The following CCDC30 variants were observed in gnomAD, a reference collection of about 807,000 sequenced individuals.
CCDC30 encodes the protein coiled-coil domain-containing protein 30.
CCDC30 carries 70 observed loss-of-function variants against 100.2 expected under a neutral mutation model. The ratio of observed to expected loss-of-function variants is 0.70; its 90% CI spans 0.58 to 0.85. The LOEUF (loss-of-function observed/expected upper bound fraction) is 0.85, where lower values mean the gene tolerates loss of function less well. CCDC30 is among the 40% of genes least tolerant of loss of function. The probability of loss-of-function intolerance (pLI) is 0.00; values close to 1 mark genes in which losing one functional copy is unlikely to be tolerated. For missense variants in CCDC30, 652 were observed against 771.2 expected (o/e 0.85, Z 1.83); for synonymous variants, 233 against 269.5 (o/e 0.86, Z 1.33).
intron 7 of CCDC30, among the ~76,000 whole-genome samples, chr1:42,570,134 AAAAT>A (rs1191922462): frequency 1.3e-5 from 2 of 152,182 alleles, no homozygotes; most frequent in Admixed American, 6.5e-5. Context: ...ATTTAAAACT[AAAAT>A]AAATTAATTA....
intron 6 of CCDC30, among the ~76,000 whole-genome samples, chr1:42,564,842 C>T (rs915213954): frequency 6.6e-6 from 1 of 152,092 alleles, no homozygotes; most frequent in African/African-American, 2.4e-5. Context: ...CTCCCCTCCC[C>T]AGCCTCTCAA....
rs569897466 is a variant in CCDC30, at chr1:42,532,138, C to CA, written c.456+33229dup. Among the ~76,000 whole-genome samples the CA allele has an allele frequency of 1.4e-4, 22 of 151,942 alleles. No individual in the cohort carries two copies. In the South Asian group the frequency reaches 3.1e-3, roughly 22 times the overall value. On this transcript the variant is annotated intron_variant, in intron 6 of 16. Coordinates refer to ENST00000668663, the Ensembl canonical transcript of CCDC30. ...GAGACCCTGTCTCTTAAAAAACAAA[C>CA]AAAAAAAGACTTAATGTTTTTGCCA...
rs2148650707 is a variant in CCDC30, at chr1:42,616,136, G to A, written c.1277+5046G>A. ...TCGCCATATTGGCCAAGCTGGTCTC[G>A]AACTCCTGACCTCAGACGATCCACT... is the stretch of plus-strand genomic sequence containing the variant. On this transcript the variant is annotated intron_variant, in intron 11 of 16. Coordinates refer to ENST00000668663, the Ensembl canonical transcript of CCDC30. 2.0e-5 allele frequency among the ~76,000 whole-genome samples: 3 copies of A among 152,164 alleles called. No homozygotes were observed. The South Asian group carries it at 6.2e-4, about 32-fold the overall frequency.
At chr1:42,613,048 A>C (rs1210903936) in intron 11 of CCDC30, among the ~76,000 whole-genome samples, 1 of 152,230 alleles carries the variant, frequency 6.6e-6, no homozygotes, top group African/African-American at 2.4e-5. Context: ...CCAGACCCCA[A>C]CAGAGGGTTC....
chr1:42,603,941 C>CG (rs1470684926), intron 10 of CCDC30, among the ~76,000 whole-genome samples: 2 of 152,164 alleles, frequency 1.3e-5, no homozygotes, highest in Non-Finnish European at 2.9e-5. Context: ...TTTGAAGGGA[C>CG]ACGCATAGTG....
Position 42,503,754 on chromosome 1 carries a change from C to T in CCDC30, c.456+4838C>T, listed in dbSNP as rs537350792. 4.6e-5 allele frequency among the ~76,000 whole-genome samples: 7 copies of T among 152,298 alleles called. No homozygotes were observed. In the East Asian group the frequency reaches 1.4e-3, roughly 29 times the overall value. ...AGAAAATGATTTGGGGGCTGCTTTT[C>T]ATTAAAATTAAAACCTTAATGAGGA... On this transcript the variant is annotated intron_variant, in intron 6 of 16. Transcript: ENST00000668663.
chr1:42,535,727 A>ATATATATATAATATATAT (rs1435467963), intron 6 of CCDC30, among the ~76,000 whole-genome samples: 1 of 2,692 alleles, frequency 3.7e-4, no homozygotes, highest in Admixed American at 3.9e-3. Context: ...ATAAATTTTA[A>ATATATATATAATATATAT]AAAATTAAAA....
chr1:42,656,935 C>G (rs1425527635), downstream of CCDC30, among the ~76,000 whole-genome samples: 1 of 152,134 alleles, frequency 6.6e-6, no homozygotes, highest in Non-Finnish European at 1.5e-5. Flanking sequence ...AAGATTTATT[C>G]TAAAACAGTT....
At chr1:42,608,396 A>C (rs1646547222) in intron 10 of CCDC30, among the ~76,000 whole-genome samples, 1 of 152,200 alleles carries the variant, frequency 6.6e-6, no homozygotes. Context: ...TGTTATAGAA[A>C]AAGCTGTGAA....
intron 6 of CCDC30, among the ~76,000 whole-genome samples, chr1:42,527,571 T>G (rs1355294004): frequency 6.6e-6 from 1 of 152,232 alleles, no homozygotes; most frequent in African/African-American, 2.4e-5. Context: ...AAGGTGATTT[T>G]ATTTAACAGG....
chr1:42,642,407 G>C (rs1294638906), intron 12 of CCDC30, 66 bp from the exon 17 acceptor site: 4 of 1,335,228 alleles, frequency 3.0e-6, no homozygotes, highest in Non-Finnish European at 3.9e-6. Flanking sequence ...TTAGAAACAG[G>C]CTTATGCTCT....
intron 6 of CCDC30, among the ~76,000 whole-genome samples, chr1:42,535,707 T>TA (rs1266459867): frequency 1.9e-5 from 2 of 105,832 alleles, no homozygotes; most frequent in African/African-American, 7.2e-5. Flanking sequence ...TATATATATA[T>TA]ATTATATATA....
chr1:42,606,157 A>G (rs556670005), intron 10 of CCDC30, among the ~76,000 whole-genome samples: 4 of 152,246 alleles, frequency 2.6e-5, no homozygotes, highest in African/African-American at 9.6e-5. Context: ...TTTGCAGTTG[A>G]GAGAAAGGTA....
In CCDC30 at chr1:42,498,833, G is replaced by T; in HGVS notation, c.373G>T (p.Gly125Ter). The T allele has an allele frequency of 8.1e-7, 1 of 1,233,526 alleles. No individual in the cohort carries two copies. Among genetic ancestry groups the T allele is most frequent in the Non-Finnish European group, 1.0e-6 (1 of 987,438 alleles). The allele number at this position is 1,233,526 out of a possible 1,614,324, so 76.4% of individuals were successfully genotyped here. A position where few individuals can be genotyped will look rare whatever the true frequency, so the allele number is the denominator to read the frequency against. Residue 125 changes from glycine to a stop codon, truncating the protein, a stop_gained, in exon 6 of 17, where the codon GGA (glycine) becomes TGA (stop). Coordinates refer to ENST00000668663, the Ensembl canonical transcript of CCDC30. LOFTEE classifies it high-confidence loss of function. Reference sequence around the variant, plus strand: ...TGTATTTAAGGTTGAAAGACTTAAAGGAGAGGTGTGTGAATCTCAAGAGAA... The same window carrying T: ...TGTATTTAAGGTTGAAAGACTTAAATGAGAGGTGTGTGAATCTCAAGAGAA...
chr1:42,479,270 G>T (rs1354055608), intron 1 of CCDC30, among the ~76,000 whole-genome samples: 2 of 152,140 alleles, frequency 1.3e-5, no homozygotes, highest in Non-Finnish European at 2.9e-5. Context: ...TAGCTATTCA[G>T]GAGGCTGAGT....
In CCDC30 at chr1:42,568,799, C is replaced by T. The variant is rs575818602; in HGVS notation, c.636+2324C>T. On this transcript the variant is annotated intron_variant, in intron 7 of 16. Transcript: ENST00000668663. ...CCAAAAAAAAAAAAAAAGAGTTAGCCGGGCATGGTAGCACACGCCTGTAGT... is the reference window on the plus strand; with the variant it reads ...CCAAAAAAAAAAAAAAAGAGTTAGCTGGGCATGGTAGCACACGCCTGTAGT... Among the ~76,000 whole-genome samples, 11 of 151,378 alleles carry T rather than the reference C, an allele frequency of 7.3e-5. No individual in the cohort carries two copies. The South Asian group carries it at 1.0e-3, about 14-fold the overall frequency.
intron 12 of CCDC30, among the ~76,000 whole-genome samples, chr1:42,641,638 G>A (rs901319389): frequency 2.0e-5 from 3 of 152,174 alleles, no homozygotes; most frequent in South Asian, 2.1e-4. Context: ...AGGCCTAGGC[G>A]GGCAGATCAC....
At chr1:42,552,738 C>A (rs941445825) in intron 6 of CCDC30, among the ~76,000 whole-genome samples, 6 of 152,144 alleles carry the variant, frequency 3.9e-5, no homozygotes, top group Admixed American at 3.9e-4. Context: ...TGACTTGTGA[C>A]TTCTCTCCCC....
chr1:42,479,347 G>C (rs1485287214), intron 1 of CCDC30, among the ~76,000 whole-genome samples: 1 of 152,052 alleles, frequency 6.6e-6, no homozygotes, highest in Admixed American at 6.6e-5. Context: ...TTGCATTCCA[G>C]CCTGGGCGAA....
Sources: gnomAD v4.1 joint callset for allele counts (sites outside exome capture counted in the v4.1 genomes callset) on GRCh38, gnomAD v4.1.1 for gene constraint, MANE v1.5 for transcripts, NCBI Gene and HGNC (gene_info 2026-07-23, HGNC 2026-07-21) for gene names.